The following PALD1 variants were observed in gnomAD, a reference collection of about 807,000 sequenced individuals.
The protein encoded by PALD1 is phosphatase domain containing paladin 1.
In PALD1, 57 loss-of-function variants were observed where a neutral mutation model predicts 96.0. The observed-to-expected ratio is 0.59, with a 90% CI of 0.48 to 0.74. The LOEUF is 0.74. Among genes scored for constraint, PALD1 ranks in the 30% least tolerant of loss-of-function variants. PALD1 has a pLI of 0.00. For synonymous variants in PALD1, 464 were observed against 473.6 expected (o/e 0.98, Z 0.26); for missense variants, 1,063 against 1,143.7 (o/e 0.93, Z 1.02).
the PALD1 span, among the ~76,000 whole-genome samples, chr10:70,465,216 C>T: frequency 1.1e-4 from 16 of 152,152 alleles, no homozygotes; most frequent in South Asian, 2.5e-3. Context: ...CCTCGTGATC[C>T]GCCCGCCTCT....
At chr10:70,564,917 G>A (rs974227664) in intron 19 of PALD1, among the ~76,000 whole-genome samples, 2 of 152,198 alleles carry the variant, frequency 1.3e-5, no homozygotes, top group South Asian at 2.1e-4. Flanking sequence ...CCTGTGCTCC[G>A]CGAGGGCCTA....
At chr10:70,551,853 T>A (rs1847486400) in intron 18 of PALD1, among the ~76,000 whole-genome samples, 2 of 152,154 alleles carry the variant, frequency 1.3e-5, no homozygotes, top group African/African-American at 4.8e-5. Flanking sequence ...ACAGCAAGAA[T>A]AAGGACAGTA....
chr10:70,524,856 G>A (rs1322024257), intron 1 of PALD1, among the ~76,000 whole-genome samples: 2 of 152,282 alleles, frequency 1.3e-5, no homozygotes, highest in East Asian at 3.9e-4. Flanking sequence ...ACAAAACATC[G>A]TGGTACACCA....
At chr10:70,464,183 T>C in the PALD1 span, among the ~76,000 whole-genome samples, 1 of 150,946 alleles carries the variant, frequency 6.6e-6, no homozygotes, top group Admixed American at 6.7e-5. Flanking sequence ...AATGATGAGA[T>C]CTTATCCTGT....
intron 2 of PALD1, among the ~76,000 whole-genome samples, chr10:70,526,569 G>A (rs543102403): frequency 2.0e-5 from 3 of 152,366 alleles, no homozygotes; most frequent in East Asian, 3.9e-4. Flanking sequence ...GCTGGAAGCT[G>A]CTAGTTGGCT....
At chr10:70,481,670 C>T (rs932721094) in intron 1 of PALD1, among the ~76,000 whole-genome samples, 5 of 152,230 alleles carry the variant, frequency 3.3e-5, no homozygotes, top group African/African-American at 1.2e-4. Flanking sequence ...TGAACCCAAG[C>T]CTGCGGGTCT....
Position 70,538,985 on chromosome 10 carries a change from G to A in PALD1, c.1546G>A (p.Gly516Ser), listed in dbSNP as rs776627785. 8.1e-6 allele frequency: 13 copies of A among 1,613,682 alleles called. No homozygotes were observed. Among genetic ancestry groups the A allele is most frequent in the African/African-American group, 1.3e-5 (1 of 74,934 alleles). Residue 516 changes from glycine (G) to serine (S), a missense_variant, in exon 13 of 20, where the codon GGC becomes AGC. Transcript: ENST00000263563. ...GCGGGTGCCCCGCATGCCCATCTACGGCACGGCCCAGCCCAGCGCCAAGGT... is the reference window on the plus strand; with the variant it reads ...GCGGGTGCCCCGCATGCCCATCTACAGCACGGCCCAGCCCAGCGCCAAGGT... The part of the protein sequence containing the change: ...FRRVPRMPIY[G>S]TAQPSAKALG...
At chr10:70,479,189 A>AC (rs1422402013) in intron 1 of PALD1, 130 bp downstream of exon 1, 1 of 152,150 alleles carries the variant, frequency 6.6e-6, no homozygotes, top group Non-Finnish European at 1.5e-5. Flanking sequence ...CTGGGCCTTC[A>AC]CCCCACACCC....
chr10:70,462,584 G>A, the PALD1 span, among the ~76,000 whole-genome samples: 1 of 152,244 alleles, frequency 6.6e-6, no homozygotes, highest in Non-Finnish European at 1.5e-5. Context: ...GCTTGTGCAG[G>A]GCATGCACAC....
rs1564715981 is a variant in PALD1, at chr10:70,566,867, G to A, written c.*134G>A. The A allele has an allele frequency of 3.3e-5, 20 of 612,690 alleles. No individual in the cohort carries two copies. Among genetic ancestry groups the A allele is most frequent in the South Asian group, 4.3e-5 (2 of 46,374 alleles). The allele number at this position is 612,690 out of a possible 1,614,324, so 38.0% of individuals were successfully genotyped here. ...CCCCCACTTCCTGGAGAGACTGAGC[G>A]GAGTTGGGAGCCTTTTTAGAAAGAA... On this transcript the variant is annotated 3_prime_UTR_variant, in exon 20 of 20. Transcript: ENST00000263563.
intron 1 of PALD1, among the ~76,000 whole-genome samples, chr10:70,517,501 C>T (rs1846644383): frequency 6.6e-6 from 1 of 152,038 alleles, no homozygotes; most frequent in African/African-American, 2.4e-5. Flanking sequence ...GCCAGTACGC[C>T]TGGCAAATTT....
chr10:70,470,973 G>GTTT, the PALD1 span, among the ~76,000 whole-genome samples: 3 of 139,092 alleles, frequency 2.2e-5, no homozygotes, highest in Non-Finnish European at 1.6e-5. Flanking sequence ...GGCTAATTTA[G>GTTT]TTTTTTTTTT....
the PALD1 span, among the ~76,000 whole-genome samples, chr10:70,462,811 G>GA: frequency 6.6e-6 from 1 of 152,218 alleles, no homozygotes; most frequent in Admixed American, 6.5e-5. Context: ...GAGCTCTCTG[G>GA]TTTTTTAGAA....
At chr10:70,526,888 A>G (rs1014535764) in intron 2 of PALD1, among the ~76,000 whole-genome samples, 2 of 152,148 alleles carry the variant, frequency 1.3e-5, no homozygotes, top group Non-Finnish European at 2.9e-5. Flanking sequence ...TAGGAATTAA[A>G]TGTGTTCCGC....
At chr10:70,536,633 A>G (rs183377483) in intron 10 of PALD1, among the ~76,000 whole-genome samples, 9 of 152,318 alleles carry the variant, frequency 5.9e-5, no homozygotes, top group African/African-American at 1.9e-4. Context: ...CTGCTGGCCC[A>G]CGACTGCTCT....
At chr10:70,505,643 ACAAAAAAAC>A (rs1050020526) in intron 1 of PALD1, among the ~76,000 whole-genome samples, 10 of 140,470 alleles carry the variant, frequency 7.1e-5, no homozygotes, top group African/African-American at 1.3e-4. Flanking sequence ...ACAAAACAAA[ACAAAAAAAC>A]AAATCAGAAA....
intron 17 of PALD1, among the ~76,000 whole-genome samples, chr10:70,546,644 C>G (rs956670509): frequency 7.9e-5 from 12 of 152,186 alleles, no homozygotes; most frequent in South Asian, 2.1e-4. Flanking sequence ...TTAATATCTT[C>G]TTAAAGAACA....
the PALD1 span, among the ~76,000 whole-genome samples, chr10:70,469,215 G>T: frequency 1.8e-4 from 28 of 152,308 alleles, no homozygotes; most frequent in Non-Finnish European, 1.0e-4. Context: ...TTGGAACATG[G>T]ATTCCCAAAT....
chr10:70,478,735 G>A (rs1227836815), upstream of PALD1: 1 of 151,970 alleles, frequency 6.6e-6, no homozygotes, highest in East Asian at 1.9e-4. Flanking sequence ...GGGCGGGCGC[G>A]GTGATTGGCG....
Sources: allele counts gnomAD v4.1 joint callset (sites outside exome capture counted in the v4.1 genomes callset), GRCh38; gene constraint gnomAD v4.1.1; transcripts MANE v1.5; gene names NCBI Gene and HGNC (gene_info 2026-07-23, HGNC 2026-07-21).